CLCN3: variants seen among roughly 807,000 people sequenced by gnomAD.
The protein encoded by CLCN3 is H(+)/Cl(-) exchange transporter 3.
A neutral mutation model predicts 83.4 loss-of-function variants in CLCN3; 16 were observed. The observed-to-expected ratio is 0.19, with a 90% CI of 0.13 to 0.29. CLCN3 has a LOEUF of 0.29. CLCN3 is among the 10% of genes least tolerant of loss of function. The pLI, the probability that CLCN3 is intolerant of heterozygous loss-of-function variation, is 1.00. For synonymous variants in CLCN3, 322 were observed against 346.2 expected (o/e 0.93, Z 0.78); for missense variants, 544 against 1,006.0 (o/e 0.54, Z 6.21).
chr4:169,683,623 A>G lies in CLCN3; in HGVS notation c.318+3416A>G, dbSNP rs1462687829. On this transcript the variant is annotated intron_variant, in intron 3 of 12. Transcript: ENST00000513761. Reference sequence around the variant, plus strand: ...GTATGTGTCCTAGCTAATTTTATCAATCATCTCTTCCTAGACCAATCAAAT... The same window carrying G: ...GTATGTGTCCTAGCTAATTTTATCAGTCATCTCTTCCTAGACCAATCAAAT... 2.6e-5 allele frequency among the ~76,000 whole-genome samples: 4 copies of G among 152,182 alleles called. No homozygotes were observed. In the East Asian group the frequency reaches 7.7e-4, roughly 29 times the overall value.
At chr4:169,681,973 G>A (rs2150240969) in intron 3 of CLCN3, among the ~76,000 whole-genome samples, 1 of 152,256 alleles carries the variant, frequency 6.6e-6, no homozygotes, top group Middle Eastern at 3.4e-3. Flanking sequence ...GAAAAGCTAT[G>A]AGTATTTTAA....
chr4:169,698,086 G>A lies in CLCN3; in HGVS notation c.1563+352G>A, dbSNP rs146501596. 1.4e-3 allele frequency among the ~76,000 whole-genome samples: 215 copies of A among 151,906 alleles called. 1 individual carries two copies. The highest frequency in any genetic ancestry group is 4.9e-3 in the African/African-American group (204 of 41,448). ...AATCATCTCAAAGCTTCTTTTTTTC[G>A]TTTCCTTTTTAAAAAACTGTTTTTG... On this transcript the variant is annotated intron_variant, in intron 9 of 12. Coordinates refer to ENST00000513761, the MANE Select transcript of CLCN3 (RefSeq NM_001829.4).
intron 12 of CLCN3, among the ~76,000 whole-genome samples, 198 bp downstream of exon 12, chr4:169,713,493 C>G (rs1365569149): frequency 6.6e-6 from 1 of 152,160 alleles, no homozygotes; most frequent in Non-Finnish European, 1.5e-5. Flanking sequence ...TCTGCCTGCT[C>G]TTTGCCAAAC....
chr4:169,673,946 T>A (rs1374790274), intron 2 of CLCN3, among the ~76,000 whole-genome samples: 1 of 152,188 alleles, frequency 6.6e-6, no homozygotes, highest in Non-Finnish European at 1.5e-5. Context: ...TACTTCAGTG[T>A]GTGTATTCCC....
At chr4:169,628,846 C>G (rs1407158876) in intron 1 of CLCN3, among the ~76,000 whole-genome samples, 1 of 152,210 alleles carries the variant, frequency 6.6e-6, no homozygotes, top group Admixed American at 6.5e-5. Context: ...CCTGTACATG[C>G]ATGTTTGTAG....
At chr4:169,715,253 C>G (rs1324443814) in intron 12 of CLCN3, among the ~76,000 whole-genome samples, 1 of 151,926 alleles carries the variant, frequency 6.6e-6, no homozygotes, top group African/African-American at 2.4e-5. Flanking sequence ...GTAAAAATAA[C>G]GAAGTGTATA....
chr4:169,697,814 T>G, intron 9 of CLCN3, 80 bp downstream of exon 9: 1 of 918,566 alleles, frequency 1.1e-6, no homozygotes, highest in Non-Finnish European at 1.7e-6. Flanking sequence ...GGTTGTTGTT[T>G]CATAAATGAC....
chr4:169,706,014 G>A (rs1417036658), intron 10 of CLCN3, among the ~76,000 whole-genome samples: 1 of 150,014 alleles, frequency 6.7e-6, no homozygotes. Context: ...AAAATACAAA[G>A]TAAAAAAGGA....
At chr4:169,652,762 CACTTGA>C (rs1394999659) in intron 2 of CLCN3, among the ~76,000 whole-genome samples, 1 of 152,180 alleles carries the variant, frequency 6.6e-6, no homozygotes, top group Non-Finnish European at 1.5e-5. Flanking sequence ...GTTCACTAAC[CACTTGA>C]TATTGTCACA....
chr4:169,675,692 C>T (rs1731648424), intron 2 of CLCN3, among the ~76,000 whole-genome samples: 1 of 152,094 alleles, frequency 6.6e-6, no homozygotes. Context: ...ATGAGGTTTT[C>T]AAAGTTTATA....
intron 11 of CLCN3, among the ~76,000 whole-genome samples, chr4:169,709,415 G>A (rs906531147): frequency 6.6e-6 from 1 of 151,888 alleles, no homozygotes; most frequent in Admixed American, 6.6e-5. Flanking sequence ...TGGGCGTGGT[G>A]GCTCATGCCT....
At chr4:169,632,458 G>A (rs1197472860) in intron 1 of CLCN3, among the ~76,000 whole-genome samples, 5 of 152,062 alleles carry the variant, frequency 3.3e-5, no homozygotes, top group Non-Finnish European at 7.4e-5. Flanking sequence ...GGCCAGGCGC[G>A]GTGGCTCAGG....
chr4:169,704,440 A>G (rs773053862), intron 10 of CLCN3, among the ~76,000 whole-genome samples: 10 of 152,254 alleles, frequency 6.6e-5, no homozygotes, highest in Non-Finnish European at 1.3e-4. Flanking sequence ...ACACTATGGC[A>G]GAAGCCATCT....
intron 2 of CLCN3, chr4:169,642,905 A>C (rs1315482260): frequency 2.0e-5 from 3 of 152,206 alleles, no homozygotes; most frequent in Non-Finnish European, 4.4e-5. Context: ...ATTATATAGT[A>C]TAAACATTGA....
At chr4:169,644,469 T>C (rs558191556) in intron 2 of CLCN3, among the ~76,000 whole-genome samples, 165 of 152,218 alleles carry the variant, frequency 1.1e-3, no homozygotes, top group African/African-American at 3.8e-3. Flanking sequence ...CTTGAACTCC[T>C]GATTTCAAGT....
chr4:169,700,086 T>G (rs1388671328), intron 9 of CLCN3, among the ~76,000 whole-genome samples: 1 of 152,178 alleles, frequency 6.6e-6, no homozygotes, highest in Non-Finnish European at 1.5e-5. Flanking sequence ...AGTCCCACCT[T>G]TGACTCAGCT....
chr4:169,699,126 A>G (rs1326686396), intron 9 of CLCN3, among the ~76,000 whole-genome samples: 1 of 152,220 alleles, frequency 6.6e-6, no homozygotes, highest in Non-Finnish European at 1.5e-5. Flanking sequence ...TCTGGGAATT[A>G]AGTTATGGAC....
chr4:169,695,042 G>A (rs1732513790), intron 7 of CLCN3, among the ~76,000 whole-genome samples: 2 of 152,030 alleles, frequency 1.3e-5, no homozygotes, highest in Admixed American at 6.6e-5. Flanking sequence ...GGTGTTGGTT[G>A]GTGAGACTGT....
chr4:169,681,065 G>A (rs1261438627), intron 3 of CLCN3, among the ~76,000 whole-genome samples: 3 of 151,686 alleles, frequency 2.0e-5, no homozygotes, highest in Non-Finnish European at 2.9e-5. Context: ...TTTGGAGGTC[G>A]GGGGACCGTC....
Sources: allele counts gnomAD v4.1 joint callset (sites outside exome capture counted in the v4.1 genomes callset), GRCh38; gene constraint gnomAD v4.1.1; transcripts MANE v1.5; gene names NCBI Gene and HGNC (gene_info 2026-07-23, HGNC 2026-07-21).